Variants in EML1 observed in about 807,000 individuals in gnomAD.
EML1 encodes EMAP like 1.
EML1 carries 27 observed loss-of-function variants against 110.4 expected under a neutral mutation model. The ratio of observed to expected loss-of-function variants is 0.24; its 90% CI spans 0.18 to 0.34. The LOEUF is 0.34. Among genes scored for constraint, EML1 ranks in the 10% least tolerant of loss-of-function variants. The probability of loss-of-function intolerance (pLI) is 1.00; values close to 1 mark genes in which losing one functional copy is unlikely to be tolerated. For missense variants in EML1, 741 were observed against 1,030.9 expected (o/e 0.72, Z 3.85); for synonymous variants, 344 against 385.8 (o/e 0.89, Z 1.27).
At chr14:99,745,412 A>G (rs1251244124) in intron 1 of EML1, among the ~76,000 whole-genome samples, 1 of 152,210 alleles carries the variant, frequency 6.6e-6, no homozygotes, top group East Asian at 1.9e-4. Flanking sequence ...TGGCACACAC[A>G]CACGCACACA....
chr14:99,769,681 G>T (rs1446912156), upstream of EML1, among the ~76,000 whole-genome samples: 1 of 152,204 alleles, frequency 6.6e-6, no homozygotes, highest in Non-Finnish European at 1.5e-5. Flanking sequence ...TTCAGCATCA[G>T]GACAAATGTC....
At chr14:99,813,657 A>G (rs144851624) in intron 1 of EML1, among the ~76,000 whole-genome samples, 7 of 152,282 alleles carry the variant, frequency 4.6e-5, no homozygotes, top group African/African-American at 1.7e-4. Flanking sequence ...GCAGTGAGCT[A>G]CAATCATGCC....
rs117457647 is a variant in EML1 at position 99,743,699 on chromosome 14, A to G, written c.28+5839A>G. Among the ~76,000 whole-genome samples the G allele has an allele frequency of 5.6e-3, 846 of 152,326 alleles. 16 individuals carry two copies. The highest frequency in any genetic ancestry group is 0.035 in the Admixed American group (530 of 15,298). On this transcript the variant is annotated intron_variant, in intron 1 of 10. Transcript: ENST00000554479. ...CTCCAGGCAGCAAATGAATACATTC[A>G]CATGACTGGGGGCCCCACGCCAGTG... is the stretch of plus-strand genomic sequence containing the variant.
chr14:99,774,691 G>A (rs1315113062), intron 1 of EML1, among the ~76,000 whole-genome samples: 1 of 152,222 alleles, frequency 6.6e-6, no homozygotes, highest in Non-Finnish European at 1.5e-5. Context: ...CGGATGCCCT[G>A]CCTGCTGGTG....
intron 1 of EML1, among the ~76,000 whole-genome samples, chr14:99,763,322 G>A (rs992141129): frequency 6.6e-6 from 1 of 152,154 alleles, no homozygotes; most frequent in Admixed American, 6.5e-5. Flanking sequence ...TGTGGTGTGT[G>A]CATCTATAAA....
chr14:99,894,861 A>G (rs2059646820), intron 6 of EML1, 103 bp downstream of exon 6: 1 of 1,379,450 alleles, frequency 7.2e-7, no homozygotes, highest in Non-Finnish European at 9.5e-7. Flanking sequence ...TTAAGCTTTT[A>G]AAAAACAAAA....
chr14:99,911,919 GC>G (rs1221121571), intron 13 of EML1, among the ~76,000 whole-genome samples: 3 of 74,616 alleles, frequency 4.0e-5, no homozygotes, highest in Admixed American at 1.2e-4. Flanking sequence ...TTTTTTTAGA[GC>G]AGGGTCTGGC....
upstream of EML1, among the ~76,000 whole-genome samples, chr14:99,770,377 T>A (rs867120650): frequency 1.2e-4 from 18 of 150,186 alleles, 1 homozygote; most frequent in South Asian, 2.1e-4. Context: ...AAAAATTTCT[T>A]TCTATCTATC....
chr14:99,811,340 C>G (rs891493065), intron 1 of EML1, among the ~76,000 whole-genome samples: 2 of 147,806 alleles, frequency 1.4e-5, no homozygotes, highest in Non-Finnish European at 3.1e-5. Flanking sequence ...GCCACTGTGC[C>G]TTGTGTTGAG....
intron 5 of EML1, among the ~76,000 whole-genome samples, chr14:99,893,430 G>A (rs978509989): frequency 6.6e-6 from 1 of 152,172 alleles, no homozygotes; most frequent in Admixed American, 6.5e-5. Flanking sequence ...GCACACATAG[G>A]CAGGGATGAT....
chr14:99,759,282 G>A (rs564003724), intron 1 of EML1, among the ~76,000 whole-genome samples: 10 of 152,350 alleles, frequency 6.6e-5, no homozygotes, highest in African/African-American at 2.4e-4. Flanking sequence ...AGGCCAGGCT[G>A]GGCACACAGT....
At chr14:99,931,611 G>A (rs1019059133) in intron 17 of EML1, among the ~76,000 whole-genome samples, 2 of 152,272 alleles carry the variant, frequency 1.3e-5, no homozygotes, top group Admixed American at 6.5e-5. Flanking sequence ...CTCAGTCTCC[G>A]AGAGAGCTGG....
At chr14:99,777,732 T>C (rs766664360) in intron 1 of EML1, among the ~76,000 whole-genome samples, 11 of 152,250 alleles carry the variant, frequency 7.2e-5, no homozygotes, top group Non-Finnish European at 1.5e-4. Flanking sequence ...TTTACCTTTC[T>C]TGAAATAACA....
At chr14:99,914,539 G>T in intron 14 of EML1, 27 bp from the exon 15 acceptor site, 1 of 1,577,270 alleles carries the variant, frequency 6.3e-7, no homozygotes. Flanking sequence ...ATCTCAGAGC[G>T]CTTCTGTTTG....
intron 1 of EML1, among the ~76,000 whole-genome samples, chr14:99,763,920 TGA>T (rs2057341023): frequency 1.3e-5 from 2 of 152,132 alleles, no homozygotes; most frequent in Non-Finnish European, 2.9e-5. Context: ...ATTTGTGTTC[TGA>T]GAGGTTCATG....
rs747682759 is a variant in EML1 at position 99,907,743 on chromosome 14, C to T, written c.1104+10C>T. On this transcript the variant is annotated intron_variant, in intron 10 of 21. Coordinates refer to ENST00000262233, the MANE Select transcript of EML1 (RefSeq NM_004434.3). ...ACTAGCAGATGTGAAGGTCATGCTC[C>T]AAGCCTTTTTTGGGCTGCATTAACA... 1.1e-5 allele frequency: 17 copies of T among 1,613,572 alleles called. No individual in the cohort carries two copies. In the Admixed American group the frequency reaches 1.7e-4, roughly 16 times the overall value.
At chr14:99,763,342 C>T (rs574353695) in intron 1 of EML1, among the ~76,000 whole-genome samples, 2 of 152,224 alleles carry the variant, frequency 1.3e-5, no homozygotes, top group East Asian at 1.9e-4. Flanking sequence ...ATATACTCAC[C>T]GCTTCTCCAG....
At chr14:99,832,797 T>C (rs1005958819) in intron 1 of EML1, among the ~76,000 whole-genome samples, 1 of 152,226 alleles carries the variant, frequency 6.6e-6, no homozygotes, top group African/African-American at 2.4e-5. Context: ...GTAAATATTT[T>C]CTCTTGTTCT....
rs186494731 is a variant in EML1, at chr14:99,744,390, C to T, written c.28+6530C>T. Among the ~76,000 whole-genome samples, 38 of 152,300 alleles carry T rather than the reference C, an allele frequency of 2.5e-4. No homozygotes were observed. In the East Asian group the frequency reaches 6.2e-3, roughly 25 times the overall value. On this transcript the variant is annotated intron_variant, in intron 1 of 10. Coordinates refer to the EML1 transcript ENST00000554479. ...ACACAGCACCAGTTAAATGCACCCA[C>T]CGGGAAGTAACCCACCTTGCCACAG...
Sources: allele counts gnomAD v4.1 joint callset (sites outside exome capture counted in the v4.1 genomes callset), GRCh38; gene constraint gnomAD v4.1.1; transcripts MANE v1.5; gene names NCBI Gene and HGNC (gene_info 2026-07-23, HGNC 2026-07-21).